SYN3: variants seen among roughly 807,000 people sequenced by gnomAD.
SYN3 encodes synapsin III.
A neutral mutation model predicts 65.8 loss-of-function variants in SYN3; 35 were observed. The ratio of observed to expected loss-of-function variants is 0.53; its 90% CI spans 0.41 to 0.70. The LOEUF is 0.70. SYN3 is among the 30% of genes least tolerant of loss of function. SYN3 has a pLI of 0.00. For missense variants in SYN3, 680 were observed against 749.0 expected (o/e 0.91, Z 1.08); for synonymous variants, 270 against 292.9 (o/e 0.92, Z 0.80).
At chr22:32,734,779 C>G (rs1259993515) in intron 6 of SYN3, among the ~76,000 whole-genome samples, 1 of 152,156 alleles carries the variant, frequency 6.6e-6, no homozygotes, top group Non-Finnish European at 1.5e-5. Context: ...CTCATGGAAC[C>G]ATGCTTACAC....
At chr22:32,608,028 G>A (rs755254858) in intron 6 of SYN3, among the ~76,000 whole-genome samples, 1 of 152,186 alleles carries the variant, frequency 6.6e-6, no homozygotes, top group South Asian at 2.1e-4. Flanking sequence ...TGTAGATGGG[G>A]AAAAGCACCC....
intron 4 of SYN3, among the ~76,000 whole-genome samples, chr22:32,874,743 G>C (rs760720081): frequency 2.4e-4 from 36 of 152,188 alleles, no homozygotes; most frequent in Non-Finnish European, 4.3e-4. Context: ...ATCACACCCA[G>C]AGCTGATTCC....
chr22:32,939,384 AAAAT>A (rs138431703), intron 3 of SYN3, among the ~76,000 whole-genome samples: 1,909 of 152,332 alleles, frequency 0.013, 32 homozygotes, highest in African/African-American at 0.042. Flanking sequence ...AAATATAGAT[AAAAT>A]AAATAAAGTA....
chr22:32,956,896 T>A lies in SYN3; in HGVS notation c.369+23749A>T, dbSNP rs183787679. ...GGCTGCCTCATTCTACATTCCCACA[T>A]CAGTGCACAAAGGTTCCAATCTCTC... On this transcript the variant is annotated intron_variant, in intron 3 of 13. Transcript: ENST00000358763. Among the ~76,000 whole-genome samples, 126 of 152,324 alleles carry A rather than the reference T, an allele frequency of 8.3e-4. 1 individual carries two copies. The highest frequency in any genetic ancestry group is 5.0e-4 in the Non-Finnish European group (34 of 68,036).
intron 6 of SYN3, among the ~76,000 whole-genome samples, chr22:32,711,655 T>C (rs2060967573): frequency 6.6e-6 from 1 of 152,174 alleles, no homozygotes; most frequent in Non-Finnish European, 1.5e-5. Flanking sequence ...CTTATCAACT[T>C]GCTACCACTG....
chr22:32,641,289 A>G (rs2059894552), intron 6 of SYN3, among the ~76,000 whole-genome samples: 1 of 152,058 alleles, frequency 6.6e-6, no homozygotes, highest in South Asian at 2.1e-4. Context: ...CGTGCTTCAG[A>G]ATCCCTGGGA....
intron 7 of SYN3, among the ~76,000 whole-genome samples, chr22:32,589,847 A>G (rs747071204): frequency 6.6e-6 from 1 of 152,120 alleles, no homozygotes; most frequent in Non-Finnish European, 1.5e-5. Context: ...TTAATTTGTC[A>G]CTATCCCTTT....
intron 6 of SYN3, among the ~76,000 whole-genome samples, chr22:32,722,123 G>A (rs1430395618): frequency 3.3e-5 from 5 of 152,070 alleles, no homozygotes; most frequent in Admixed American, 3.3e-4. Context: ...CATGTAAAGA[G>A]CTTAGTCTTT....
At chr22:32,941,123 T>A (rs1418009768) in intron 3 of SYN3, among the ~76,000 whole-genome samples, 1 of 152,158 alleles carries the variant, frequency 6.6e-6, no homozygotes, top group Non-Finnish European at 1.5e-5. Context: ...AAAAAAAAGT[T>A]TTATTAATTA....
chr22:32,637,637 T>C (rs1285002163), intron 6 of SYN3, among the ~76,000 whole-genome samples: 30 of 85,220 alleles, frequency 3.5e-4, no homozygotes, highest in South Asian at 1.3e-3. Flanking sequence ...TTTCTTTTTT[T>C]TTTTTTTTTT....
chr22:32,996,550 T>C (rs1206350363), intron 2 of SYN3, among the ~76,000 whole-genome samples: 1 of 152,134 alleles, frequency 6.6e-6, no homozygotes, highest in African/African-American at 2.4e-5. Context: ...CGCTACCACC[T>C]GTCAGCCTAG....
chr22:32,631,979 TA>T (rs957719671), intron 6 of SYN3, among the ~76,000 whole-genome samples: 3 of 152,146 alleles, frequency 2.0e-5, no homozygotes, highest in Non-Finnish European at 2.9e-5. Context: ...TGACTTCCTA[TA>T]AAAACAAGAC....
intron 6 of SYN3, among the ~76,000 whole-genome samples, chr22:32,661,584 CAT>C (rs2060217584): frequency 1.3e-5 from 2 of 152,074 alleles, no homozygotes; most frequent in African/African-American, 2.4e-5. Context: ...TGCCCAGAAA[CAT>C]GTGGTTTTCA....
At chr22:32,551,861 G>A (rs1165396563) in intron 7 of SYN3, among the ~76,000 whole-genome samples, 1 of 152,160 alleles carries the variant, frequency 6.6e-6, no homozygotes, top group African/African-American at 2.4e-5. Context: ...CAAGGACTTG[G>A]GGGAGAGGAA....
chr22:32,938,972 G>A (rs1176408683), intron 3 of SYN3, among the ~76,000 whole-genome samples: 1 of 146,246 alleles, frequency 6.8e-6, no homozygotes, highest in East Asian at 2.0e-4. Context: ...GACTTTTCCA[G>A]ACAAAGAAAA....
intron 6 of SYN3, among the ~76,000 whole-genome samples, chr22:32,606,957 C>A (rs917884889): frequency 5.9e-5 from 9 of 151,838 alleles, no homozygotes; most frequent in African/African-American, 1.7e-4. Context: ...GTGCTGCACC[C>A]ATTAACTCGT....
At chr22:33,003,764 G>A (rs1179260652) in intron 2 of SYN3, among the ~76,000 whole-genome samples, 7 of 152,174 alleles carry the variant, frequency 4.6e-5, no homozygotes, top group Admixed American at 3.3e-4. Context: ...ACAAGGAGCC[G>A]AATGTTTATT....
chr22:32,853,927 A>G (rs1298118012), intron 6 of SYN3, among the ~76,000 whole-genome samples: 1 of 152,054 alleles, frequency 6.6e-6, no homozygotes, highest in African/African-American at 2.4e-5. Flanking sequence ...GAAGATTCAA[A>G]CTCTGGCTGT....
intron 6 of SYN3, among the ~76,000 whole-genome samples, chr22:32,637,601 C>A (rs57835387): frequency 0.077 from 11,549 of 150,068 alleles, 993 homozygotes; most frequent in African/African-American, 0.21. Context: ...GCATAGTACC[C>A]AACAGTTAGG....
Sources: gnomAD v4.1 joint callset for allele counts (sites outside exome capture counted in the v4.1 genomes callset) on GRCh38, gnomAD v4.1.1 for gene constraint, MANE v1.5 for transcripts, NCBI Gene and HGNC (gene_info 2026-07-23, HGNC 2026-07-21) for gene names.